SNIP1: variants seen among roughly 807,000 people sequenced by gnomAD.
SNIP1 encodes the protein Smad nuclear interacting protein 1, also known as smad nuclear-interacting protein 1.
A neutral mutation model predicts 37.4 loss-of-function variants in SNIP1; 23 were observed. The observed-to-expected ratio is 0.61, with a 90% CI of 0.44 to 0.87. The LOEUF (loss-of-function observed/expected upper bound fraction) is 0.87, where lower values mean the gene tolerates loss of function less well. Among genes scored for constraint, SNIP1 ranks in the 40% least tolerant of loss-of-function variants. SNIP1 has a pLI of 0.00. For synonymous variants in SNIP1, 174 were observed against 200.0 expected, an observed-to-expected ratio of 0.87 and a Z score of 1.10; for missense variants, 459 against 540.4, an observed-to-expected ratio of 0.85 and a Z score of 1.49.
rs1643109681 is a variant in SNIP1 at position 37,537,244 on chromosome 1, C to T, written c.*504G>A. ...CAACTTCTAAGCTCAAGAGCTCAAA[C>T]AAGTCAAAGCTTTGGTATATACTGG... is the stretch of plus-strand genomic sequence containing the variant. On this transcript the variant is annotated 3_prime_UTR_variant, in exon 4 of 4. Coordinates refer to ENST00000296215, the MANE Select transcript of SNIP1 (RefSeq NM_024700.4). The T allele has an allele frequency of 6.5e-6, 1 of 153,466 alleles. No individual in the cohort carries two copies. The highest frequency in any genetic ancestry group is 1.5e-5 in the Non-Finnish European group (1 of 68,650). The allele number at this position is 153,466 out of a possible 1,614,324, so 9.5% of individuals were successfully genotyped here.
At chr1:37,553,973 C>T in intron 1 of SNIP1, 33 bp downstream of exon 1, 3 of 1,547,584 alleles carry the variant, frequency 1.9e-6, no homozygotes, top group Non-Finnish European at 2.6e-6. Flanking sequence ...TGAGCCCAAC[C>T]CAATGTCCAT....
intron 2 of SNIP1, among the ~76,000 whole-genome samples, chr1:37,551,074 G>GACACAC (rs55724495): frequency 0.044 from 6,401 of 143,910 alleles, 179 homozygotes; most frequent in Non-Finnish European, 0.055. Context: ...CAGCCTGGGT[G>GACACAC]ACACACACAC....
At chr1:37,543,157 CCTT>C (rs1234159887) in intron 2 of SNIP1, among the ~76,000 whole-genome samples, 1 of 152,002 alleles carries the variant, frequency 6.6e-6, no homozygotes, top group Non-Finnish European at 1.5e-5. Flanking sequence ...AATTTTCTCT[CCTT>C]AATTAGTAAA....
At chr1:37,545,279 G>T (rs1446519951) in intron 2 of SNIP1, 25 of 626,842 alleles carry the variant, frequency 4.0e-5, no homozygotes, top group Non-Finnish European at 6.3e-5. Context: ...ACACCCCGGG[G>T]AGACAGTGAT....
chr1:37,554,076 T>C lies in SNIP1; in HGVS notation c.154A>G (p.Ser52Gly), dbSNP rs1471377126. 1 of 1,605,202 alleles carries C rather than the reference T, an allele frequency of 6.2e-7. No homozygotes were observed. The highest frequency in any genetic ancestry group is 2.3e-5 in the East Asian group (1 of 44,410). Residue 52 changes from serine (S) to glycine (G), a missense_variant, in exon 1 of 4, where the codon AGC becomes GGC. Transcript: ENST00000296215. ...GGCTCGCTGGTCGGCGGAGACGGGC[T>C]ACCACCGGAGTGGTCCGGACGGCGG... Reference protein sequence around the residue: ...AHRRPDHSGGSPSPPTSEPAR... With the variant: ...AHRRPDHSGGGPSPPTSEPAR...
At position 37,554,199 on chromosome 1, in the gene SNIP1, C is replaced by A; in HGVS notation, c.31G>T (p.Gly11Trp). The change falls in exon 1 of 4, where the codon GGG (glycine) becomes TGG (tryptophan). Residue 11 changes from glycine to tryptophan, a missense_variant. By Grantham distance (184) the Gly-to-Trp change is radical. Transcript: ENST00000296215. ...CCGTCCCGGTGTCTTCGCCGGCTCC[C>A]TCGCTCCCGTTCGCTCTTCACCGCC... MKAVKSERER[G>W]SRRRHRDGDV... 1 of 1,609,278 alleles carries A rather than the reference C, an allele frequency of 6.2e-7. No homozygotes were observed. Among genetic ancestry groups the A allele is most frequent in the Non-Finnish European group, 8.5e-7 (1 of 1,177,296 alleles).
In SNIP1 at chr1:37,537,597, C is replaced by T; in HGVS notation, c.*151G>A. The T allele has an allele frequency of 1.2e-6, 1 of 830,596 alleles. No individual in the cohort carries two copies. The highest frequency in any genetic ancestry group is 1.9e-6 in the Non-Finnish European group (1 of 530,474). 51.5% of individuals were successfully genotyped at this position (830,596 alleles called of 1,614,324 possible). A position where few individuals can be genotyped will look rare whatever the true frequency, so the allele number is the denominator to read the frequency against. On this transcript the variant is annotated 3_prime_UTR_variant, in exon 4 of 4. Transcript: ENST00000296215. ...TAGTCAGTGTATTCAAATGGTAACA[C>T]AATCTGGTCAGCAACAGAGGAAAGA...
intron 2 of SNIP1, chr1:37,544,725 C>T (rs1029551503): frequency 7.9e-6 from 5 of 635,248 alleles, no homozygotes; most frequent in South Asian, 1.5e-5. Context: ...ACTCCAGCGC[C>T]GTGCAGCCAC....
chr1:37,550,721 T>C (rs189148403), intron 2 of SNIP1, among the ~76,000 whole-genome samples: 1 of 149,212 alleles, frequency 6.7e-6, no homozygotes, highest in Admixed American at 6.7e-5. Context: ...AAATAAAAAA[T>C]AAAAAATAAA....
intron 2 of SNIP1, chr1:37,544,803 C>A: frequency 1.3e-6 from 1 of 748,882 alleles, no homozygotes; most frequent in Non-Finnish European, 2.4e-6. Flanking sequence ...GCCAGAACTA[C>A]CGCCATCAAC....
At chr1:37,544,462 AAAAG>A (rs1368696693) in intron 2 of SNIP1, among the ~76,000 whole-genome samples, 4 of 150,392 alleles carry the variant, frequency 2.7e-5, no homozygotes, top group Non-Finnish European at 5.9e-5. Context: ...AAAAAAAAAA[AAAAG>A]AAAGAAAGAA....
intron 2 of SNIP1, chr1:37,541,245 ATAAACT>A (rs1342641686): frequency 6.6e-6 from 1 of 152,614 alleles, no homozygotes; most frequent in Non-Finnish European, 1.5e-5. Context: ...ATACCTAGAA[ATAAACT>A]TAAGAAACAT....
At chr1:37,544,139 G>A (rs1261503483) in intron 2 of SNIP1, among the ~76,000 whole-genome samples, 9 of 148,598 alleles carry the variant, frequency 6.1e-5, no homozygotes, top group East Asian at 3.9e-4. Context: ...GAGAGACTCC[G>A]TCTCAAAAAA....
Position 37,554,286 on chromosome 1 carries a change from G to A in SNIP1, c.-57C>T, listed in dbSNP as rs1570032914. The A allele has an allele frequency of 1.3e-6, 2 of 1,508,652 alleles. No homozygotes were observed. The highest frequency in any genetic ancestry group is 1.8e-6 in the Non-Finnish European group (2 of 1,122,114). The allele number at this position is 1,508,652 out of a possible 1,614,324, so 93.5% of individuals were successfully genotyped here. ...ATCAGTTGAGCTCCTCTAGCTGGAGGAAATGACGAGTTTAACTCCTGGACT... is the reference window on the plus strand; with the variant it reads ...ATCAGTTGAGCTCCTCTAGCTGGAGAAAATGACGAGTTTAACTCCTGGACT... On this transcript the variant is annotated 5_prime_UTR_variant, in exon 1 of 4. Coordinates refer to ENST00000296215, the MANE Select transcript of SNIP1 (RefSeq NM_024700.4).
chr1:37,542,266 C>T (rs1331704332), intron 2 of SNIP1, among the ~76,000 whole-genome samples: 2 of 152,202 alleles, frequency 1.3e-5, no homozygotes, highest in Non-Finnish European at 2.9e-5. Context: ...GAAGGATTCA[C>T]GTTCCTGGTG....
intron 2 of SNIP1, chr1:37,544,642 G>A (rs72657787): frequency 0.057 from 27,181 of 480,126 alleles, 1,003 homozygotes; most frequent in Non-Finnish European, 0.077. Context: ...ACCCCACTCC[G>A]GCTGGCCGCC....
Position 37,536,837 on chromosome 1 carries a change from A to G in SNIP1, c.*911T>C, listed in dbSNP as rs1465667691. On this transcript the variant is annotated 3_prime_UTR_variant, in exon 4 of 4. Transcript: ENST00000296215. ...TTTAAAGGATGAAATGTGTAGAAACATGTAAACAACACAACCTGCTTTAGA... is the reference window on the plus strand; with the variant it reads ...TTTAAAGGATGAAATGTGTAGAAACGTGTAAACAACACAACCTGCTTTAGA... 1 of 152,258 alleles carries G rather than the reference A, an allele frequency of 6.6e-6. No individual in the cohort carries two copies. Among genetic ancestry groups the G allele is most frequent in the African/African-American group, 2.4e-5 (1 of 41,474 alleles). 9.4% of individuals were successfully genotyped at this position (152,258 alleles called of 1,614,324 possible). A position where few individuals can be genotyped will look rare whatever the true frequency, so the allele number is the denominator to read the frequency against.
chr1:37,542,174 G>C (rs536299258), intron 2 of SNIP1, among the ~76,000 whole-genome samples: 1 of 152,142 alleles, frequency 6.6e-6, no homozygotes. Context: ...ACTGCAAACT[G>C]CAACAGTTTT....
At chr1:37,544,670 T>C (rs1163685148) in intron 2 of SNIP1, 2 of 539,574 alleles carry the variant, frequency 3.7e-6, no homozygotes, top group African/African-American at 3.8e-5. Context: ...AGCCCTCTGT[T>C]ACCTCTTCAC....
Sources: allele counts gnomAD v4.1 joint callset (sites outside exome capture counted in the v4.1 genomes callset), GRCh38; gene constraint gnomAD v4.1.1; transcripts MANE v1.5; gene names NCBI Gene and HGNC (gene_info 2026-07-23, HGNC 2026-07-21).